DAPP1: variants seen among roughly 807,000 people sequenced by gnomAD.
DAPP1 encodes dual adaptor of phosphotyrosine and 3-phosphoinositides 1, also known as dual adapter for phosphotyrosine and 3-phosphotyrosine and 3-phosphoinositide.
Under a neutral mutation model 41.5 loss-of-function variants are expected in DAPP1, and 20 were observed. The ratio of observed to expected loss-of-function variants is 0.48; its 90% CI spans 0.34 to 0.70. The LOEUF is 0.70. Ranked by LOEUF, DAPP1 falls within the 30% of genes least tolerant of loss-of-function variation. The pLI, the probability that DAPP1 is intolerant of heterozygous loss-of-function variation, is 0.01. For missense variants in DAPP1, 233 were observed against 333.4 expected (o/e 0.70, Z 2.35); for synonymous variants, 113 against 116.2 (o/e 0.97, Z 0.18).
At chr4:99,859,136 G>A (rs895159529) in intron 4 of DAPP1, among the ~76,000 whole-genome samples, 7 of 151,556 alleles carry the variant, frequency 4.6e-5, no homozygotes, top group Admixed American at 6.6e-5. Context: ...GGCTGGTATC[G>A]AACTCCTGGG....
rs367769931 is a variant in DAPP1, at chr4:99,864,883, G to C, written c.686+1028G>C. 8 of 152,098 alleles carry C rather than the reference G, an allele frequency of 5.3e-5. No homozygotes were observed. The South Asian group carries it at 1.7e-3, about 31-fold the overall frequency. 9.4% of individuals were successfully genotyped at this position (152,098 alleles called of 1,614,324 possible). A position where few individuals can be genotyped will look rare whatever the true frequency, so the allele number is the denominator to read the frequency against. On this transcript the variant is annotated intron_variant, in intron 7 of 8. Transcript: ENST00000512369. ...TCTCCAGAAACTCCCCTATGAGACC[G>C]GGTGCCATGGCCATCCCCAGCAGCT... is the stretch of plus-strand genomic sequence containing the variant.
chr4:99,870,609 T>C (rs996277697), downstream of DAPP1, among the ~76,000 whole-genome samples: 1 of 152,186 alleles, frequency 6.6e-6, no homozygotes, highest in Admixed American at 6.5e-5. Flanking sequence ...CCTCAGCTAT[T>C]TCTCCAAGTC....
At chr4:99,837,349 A>G (rs58391911) in intron 2 of DAPP1, among the ~76,000 whole-genome samples, 35,146 of 152,074 alleles carry the variant, frequency 0.23, 4,120 homozygotes, top group Admixed American at 0.24. Flanking sequence ...CACAACTCCC[A>G]TTCCTGGAAC....
chr4:99,835,737 C>G lies in DAPP1; in HGVS notation c.216C>G (p.Leu72=), dbSNP rs373968593. ...DSNETTGLYS[L]SVRAKDSVKH... ...ATGAGACCACCGGGCTGTACTCTCT[C>G]TCTGTGAGGTAAGGTGCTTCAGGGC... is the stretch of plus-strand genomic sequence containing the variant. The change falls in exon 2 of 9, where the codon CTC becomes CTG. Residue 72 remains leucine, a synonymous_variant. Transcript: ENST00000512369. 36 of 1,613,840 alleles carry G rather than the reference C, an allele frequency of 2.2e-5. No individual in the cohort carries two copies. In the African/African-American group the frequency reaches 2.4e-4, roughly 11 times the overall value.
chr4:99,872,333 AT>A (rs35776121), downstream of DAPP1, among the ~76,000 whole-genome samples: 1,432 of 151,318 alleles, frequency 9.5e-3, 8 homozygotes, highest in South Asian at 0.031. Context: ...AAGTCACACC[AT>A]TTTTTTTTGT....
chr4:99,831,867 C>T (rs1723130098), intron 1 of DAPP1, among the ~76,000 whole-genome samples: 1 of 151,930 alleles, frequency 6.6e-6, no homozygotes, highest in African/African-American at 2.4e-5. Flanking sequence ...TTATTTGAAA[C>T]ACATCTTTCC....
intron 3 of DAPP1, among the ~76,000 whole-genome samples, chr4:99,840,845 T>C (rs932967244): frequency 6.6e-5 from 10 of 152,320 alleles, no homozygotes; most frequent in Admixed American, 3.3e-4. Context: ...CTCTCCTAAG[T>C]TATAAAATTC....
At position 99,835,607 on chromosome 4, in the gene DAPP1, G is replaced by A. The variant is rs1156705006; in HGVS notation, c.102-16G>A. 1 of 1,611,532 alleles carries A rather than the reference G, an allele frequency of 6.2e-7. No individual in the cohort carries two copies. The highest frequency in any genetic ancestry group is 8.5e-7 in the Non-Finnish European group (1 of 1,179,578). ...ATGGTTTGGCCTGAGTGAAAGCGCT[G>A]TTCCCTCCTTTCTAGGTGGTATCAC... On this transcript the variant is annotated splice_polypyrimidine_tract_variant and intron_variant, in intron 1 of 8. Transcript: ENST00000512369.
intron 1 of DAPP1, among the ~76,000 whole-genome samples, chr4:99,828,449 T>G (rs150008374): frequency 9.8e-5 from 15 of 152,318 alleles, no homozygotes; most frequent in Non-Finnish European, 1.6e-4. Flanking sequence ...TGTGAGTCAA[T>G]TCAAAAAATT....
chr4:99,853,578 T>C (rs908496485), intron 4 of DAPP1, among the ~76,000 whole-genome samples: 3 of 152,164 alleles, frequency 2.0e-5, no homozygotes, highest in Non-Finnish European at 4.4e-5. Flanking sequence ...TCCCAACATT[T>C]TGGGAGGCCA....
rs77036069 is a variant in DAPP1, at chr4:99,866,076, C to A, written c.729C>A (p.Thr243=). The A allele has an allele frequency of 0.056, 88,679 of 1,589,790 alleles. 3,031 individuals are homozygous for A. The highest frequency in any genetic ancestry group is 0.068 in the Non-Finnish European group (79,380 of 1,165,458). ...PFRTFYLCAK[T]GVEADEWIKI... ...GGACATTTTATCTCTGTGCAAAGAC[C>A]GGAGTAGAAGCTGATGAGTGGATCA... The change falls in exon 8 of 9, where the codon ACC becomes ACA. Residue 243 remains threonine, a synonymous_variant. Transcript: ENST00000512369.
At chr4:99,866,198 A>G in intron 8 of DAPP1, 77 bp downstream of exon 8, 1 of 827,926 alleles carries the variant, frequency 1.2e-6, no homozygotes, top group Non-Finnish European at 2.0e-6. Flanking sequence ...TTCTATCAAA[A>G]GAGTCAGACT....
At chr4:99,850,867 C>T (rs778302259) in intron 3 of DAPP1, among the ~76,000 whole-genome samples, 3 of 152,156 alleles carry the variant, frequency 2.0e-5, no homozygotes, top group African/African-American at 4.8e-5. Context: ...CTCCCACAAA[C>T]ATTTATTTGG....
downstream of DAPP1, among the ~76,000 whole-genome samples, chr4:99,871,237 C>G (rs1485723751): frequency 1.4e-4 from 22 of 152,182 alleles, no homozygotes; most frequent in Admixed American, 1.4e-3. Flanking sequence ...TCCCTCTCCA[C>G]TACTTCAGAT....
intron 3 of DAPP1, among the ~76,000 whole-genome samples, chr4:99,851,603 C>T (rs570374986): frequency 1.5e-5 from 2 of 131,964 alleles, no homozygotes; most frequent in East Asian, 2.3e-4. Flanking sequence ...TGCAGTGGTG[C>T]GATCTCGGCT....
chr4:99,844,913 G>A (rs1048579353), intron 3 of DAPP1, among the ~76,000 whole-genome samples: 11 of 152,174 alleles, frequency 7.2e-5, no homozygotes, highest in Non-Finnish European at 1.5e-5. Context: ...TTGAGAATTG[G>A]GTGGTTCTTC....
downstream of DAPP1, among the ~76,000 whole-genome samples, chr4:99,871,168 C>A (rs887968305): frequency 6.6e-6 from 1 of 152,100 alleles, no homozygotes; most frequent in African/African-American, 2.4e-5. Flanking sequence ...TATGCTGTGT[C>A]CCTGTTTCAG....
Position 99,866,115 on chromosome 4 carries a change from G to GA in DAPP1, c.771dup (p.Leu258IlefsTer23). 2.5e-6 allele frequency: 4 copies of GA among 1,589,248 alleles called. No homozygotes were observed. Among genetic ancestry groups the GA allele is most frequent in the Non-Finnish European group, 3.4e-6 (4 of 1,160,716 alleles). Reference sequence around the variant, plus strand: ...ATGAGTGGATCAAGATATTACGCTGGAAATTGGTGAGAATTTTTAAGCCTT... The same window carrying GA: ...ATGAGTGGATCAAGATATTACGCTGGAAAATTGGTGAGAATTTTTAAGCCTT... On this transcript the variant is annotated frameshift_variant, in exon 8 of 9. Coordinates refer to ENST00000512369, the MANE Select transcript of DAPP1 (RefSeq NM_014395.3). LOFTEE classifies it high-confidence loss of function.
intron 1 of DAPP1, among the ~76,000 whole-genome samples, chr4:99,823,254 A>G (rs1722831609): frequency 6.6e-6 from 1 of 152,132 alleles, no homozygotes; most frequent in African/African-American, 2.4e-5. Flanking sequence ...CAATGCAGTA[A>G]CATTGATGCT....
Sources: gnomAD v4.1 joint callset for allele counts (sites outside exome capture counted in the v4.1 genomes callset) on GRCh38, gnomAD v4.1.1 for gene constraint, MANE v1.5 for transcripts, NCBI Gene and HGNC (gene_info 2026-07-23, HGNC 2026-07-21) for gene names.